Variants in SNX14 observed in about 807,000 individuals in gnomAD.
SNX14 encodes sorting nexin 14, also known as sorting nexin-14.
In SNX14, 93 loss-of-function variants were observed where a neutral mutation model predicts 133.8. The ratio of observed to expected loss-of-function variants is 0.70; its 90% CI spans 0.59 to 0.83. SNX14 has a LOEUF of 0.83. Ranked by LOEUF, SNX14 falls within the 40% of genes least tolerant of loss-of-function variation. The pLI is 0.00. For missense variants in SNX14, 945 were observed against 1,094.9 expected (o/e 0.86, Z 1.93); for synonymous variants, 368 against 365.6 (o/e 1.01, Z -0.07).
At chr6:85,512,753 A>G (rs1773394383) in intron 26 of SNX14, among the ~76,000 whole-genome samples, 1 of 152,186 alleles carries the variant, frequency 6.6e-6, no homozygotes, top group African/African-American at 2.4e-5. Flanking sequence ...CTAGCTCAGC[A>G]CTGGCTTCTC....
chr6:85,550,643 C>T (rs887919209), intron 7 of SNX14, among the ~76,000 whole-genome samples: 5 of 152,052 alleles, frequency 3.3e-5, no homozygotes, highest in Non-Finnish European at 7.4e-5. Flanking sequence ...GGCCCACAGG[C>T]GGGTACTCCT....
intron 5 of SNX14, among the ~76,000 whole-genome samples, chr6:85,566,257 G>A (rs753209685): frequency 6.6e-6 from 1 of 152,208 alleles, no homozygotes; most frequent in African/African-American, 2.4e-5. Flanking sequence ...CTCACCATCA[G>A]CTTTAGTTAA....
In SNX14 at chr6:85,588,534, G is replaced by A. The variant is rs530693309; in HGVS notation, c.140+5045C>T. ...GGAGCTTGCAGTGAGCCAAGATAGC[G>A]CCACTGCAGTCTGGCCTGAGCAAAG... On this transcript the variant is annotated intron_variant, in intron 1 of 28. Coordinates refer to ENST00000314673, the MANE Select transcript of SNX14 (RefSeq NM_153816.6). 5.3e-5 allele frequency among the ~76,000 whole-genome samples: 8 copies of A among 152,128 alleles called. No homozygotes were observed. The South Asian group carries it at 8.3e-4, about 16-fold the overall frequency.
intron 19 of SNX14, among the ~76,000 whole-genome samples, chr6:85,529,152 C>T (rs1372122692): frequency 2.0e-5 from 3 of 151,496 alleles, no homozygotes; most frequent in African/African-American, 7.3e-5. Context: ...CCCAGCTACT[C>T]GGGAGTCTGA....
At chr6:85,580,471 AG>A in intron 1 of SNX14, among the ~76,000 whole-genome samples, 1 of 152,288 alleles carries the variant, frequency 6.6e-6, no homozygotes, top group Admixed American at 6.5e-5. Context: ...GAAAAGGTAA[AG>A]GGGATGTCGT....
intron 20 of SNX14, among the ~76,000 whole-genome samples, chr6:85,527,241 G>A (rs1238441192): frequency 6.6e-6 from 1 of 152,050 alleles, no homozygotes; most frequent in Non-Finnish European, 1.5e-5. Context: ...ACTCTAGTTT[G>A]TAGAAATAAT....
intron 2 of SNX14, 92 bp downstream of exon 2, chr6:85,574,166 T>TA (rs1796579036): frequency 1.5e-5 from 17 of 1,107,002 alleles, no homozygotes; most frequent in Non-Finnish European, 2.0e-5. Context: ...TTTTGTAAAT[T>TA]AAAAAAATAT....
At chr6:85,589,276 T>C (rs2128243099) in intron 1 of SNX14, 1 of 173,124 alleles carries the variant, frequency 5.8e-6, no homozygotes, top group African/African-American at 2.4e-5. Context: ...TCATCCCAGC[T>C]GGAGTGCAGT....
chr6:85,571,725 A>G (rs987577131), intron 4 of SNX14, among the ~76,000 whole-genome samples: 4 of 152,218 alleles, frequency 2.6e-5, no homozygotes, highest in Admixed American at 6.5e-5. Flanking sequence ...ATTATGCAGA[A>G]ATACTGAAAA....
Position 85,536,787 on chromosome 6 carries a change from C to T in SNX14, c.1608+5G>A. The T allele has an allele frequency of 6.2e-7, 1 of 1,605,660 alleles. No homozygotes were observed. Among genetic ancestry groups the T allele is most frequent in the Non-Finnish European group, 8.5e-7 (1 of 1,176,564 alleles). On this transcript the variant is annotated splice_donor_5th_base_variant and intron_variant, in intron 17 of 28. Transcript: ENST00000314673. ...AAATAAATCAAATTGATACATTTTA[C>T]TTACAAAATCATCTTCACCTTCAGC...
At chr6:85,591,097 C>T (rs140420317) in intron 1 of SNX14, among the ~76,000 whole-genome samples, 143 of 152,338 alleles carry the variant, frequency 9.4e-4, no homozygotes, top group Middle Eastern at 3.4e-3. Context: ...AATCTCTGCA[C>T]TGTTCAAGGA....
Position 85,593,587 on chromosome 6 carries a change from A to C in SNX14, c.132T>G (p.Leu44=), listed in dbSNP as rs1803664308. ...CCGCGCTGCGGCGTTACCTGTTAAG[A>C]AGCAGGGAGGCGGCGCTGAGACAGA... ...LLLCLSAASL[L]LNRYIHILMI... The change falls in exon 1 of 29, where the codon CTT becomes CTG. Residue 44 remains leucine (L), a synonymous_variant. Transcript: ENST00000314673. 2 of 1,611,502 alleles carry C rather than the reference A, an allele frequency of 1.2e-6. No individual in the cohort carries two copies. The highest frequency in any genetic ancestry group is 2.2e-5 in the East Asian group (1 of 44,788).
intron 1 of SNX14, among the ~76,000 whole-genome samples, chr6:85,579,463 T>G (rs558419452): frequency 6.6e-6 from 1 of 152,146 alleles, no homozygotes; most frequent in Non-Finnish European, 1.5e-5. Context: ...AGGTGACTGA[T>G]CACAGTACAT....
At chr6:85,586,084 C>G (rs906257023) in intron 1 of SNX14, among the ~76,000 whole-genome samples, 1 of 151,138 alleles carries the variant, frequency 6.6e-6, no homozygotes, top group Admixed American at 6.6e-5. Flanking sequence ...ATACAAGACA[C>G]TACAAGGAAA....
chr6:85,584,664 G>A (rs201615382), intron 1 of SNX14, among the ~76,000 whole-genome samples: 1 of 152,142 alleles, frequency 6.6e-6, no homozygotes, highest in African/African-American at 2.4e-5. Context: ...ATCATCACGG[G>A]TCATTAGAGA....
chr6:85,565,582 A>G (rs1009827832), intron 5 of SNX14, among the ~76,000 whole-genome samples, 163 bp from the exon 6 acceptor site: 2 of 152,232 alleles, frequency 1.3e-5, no homozygotes, highest in Non-Finnish European at 2.9e-5. Context: ...TGTACAAAAA[A>G]TAAAACAAAC....
rs1161324670 is a variant in SNX14 at position 85,543,213 on chromosome 6, A to G, written c.1358T>C (p.Val453Ala). 2.5e-6 allele frequency: 4 copies of G among 1,590,210 alleles called. No homozygotes were observed. Among genetic ancestry groups the G allele is most frequent in the East Asian group, 4.5e-5 (2 of 44,012 alleles). ...YEHVLSLLEN[V>A]FTPMFCHSDE... Reference sequence around the variant, plus strand: ...ACTATGGCAGAACATAGGAGTAAATACATTCTCCAAAAGGGAAAGAACATG... The same window carrying G: ...ACTATGGCAGAACATAGGAGTAAATGCATTCTCCAAAAGGGAAAGAACATG... Residue 453 changes from valine (V) to alanine (A), a missense_variant, in exon 14 of 29, where the codon GTA becomes GCA. Val to Ala is a moderately conservative substitution (Grantham distance 64, BLOSUM62 0). Transcript: ENST00000314673.
At position 85,543,590 on chromosome 6, in the gene SNX14, T is replaced by C. The variant is rs201298234; in HGVS notation, c.1264+15A>G. ...AAGAGTGCTAAATAAGTCATTCTTATCGTCTTTGACTTACTTCTTTGAATC... is the reference window on the plus strand; with the variant it reads ...AAGAGTGCTAAATAAGTCATTCTTACCGTCTTTGACTTACTTCTTTGAATC... On this transcript the variant is annotated intron_variant, in intron 13 of 28. Transcript: ENST00000314673. 3 of 1,553,320 alleles carry C rather than the reference T, an allele frequency of 1.9e-6. No individual in the cohort carries two copies. The highest frequency in any genetic ancestry group is 2.3e-5 in the East Asian group (1 of 43,286).
At chr6:85,593,301 C>T (rs1176170488) in intron 1 of SNX14, among the ~76,000 whole-genome samples, 1 of 152,204 alleles carries the variant, frequency 6.6e-6, no homozygotes, top group Non-Finnish European at 1.5e-5. Context: ...TTTTGAAAAG[C>T]AACGAAGATG....
Sources: gnomAD v4.1 joint callset for allele counts (sites outside exome capture counted in the v4.1 genomes callset) on GRCh38, gnomAD v4.1.1 for gene constraint, MANE v1.5 for transcripts, NCBI Gene and HGNC (gene_info 2026-07-23, HGNC 2026-07-21) for gene names.